TENT4B: variants seen among roughly 807,000 people sequenced by gnomAD.
The protein encoded by TENT4B is PAP associated domain containing 5.
A neutral mutation model predicts 75.0 loss-of-function variants in TENT4B; 10 were observed. That is an observed-to-expected ratio of 0.13 (90% CI 0.08 to 0.23). The LOEUF (loss-of-function observed/expected upper bound fraction) is 0.23, where lower values mean the gene tolerates loss of function less well. Among genes scored for constraint, TENT4B ranks in the 10% least tolerant of loss-of-function variants. TENT4B has a pLI of 1.00. For synonymous variants in TENT4B, 350 were observed against 357.7 expected (o/e 0.98, Z 0.24); for missense variants, 579 against 893.8 (o/e 0.65, Z 4.49).
intron 1 of TENT4B, among the ~76,000 whole-genome samples, chr16:50,176,601 G>C (rs2038315780): frequency 1.4e-5 from 2 of 140,348 alleles, no homozygotes; most frequent in Admixed American, 1.6e-4. Flanking sequence ...CTGCCTCCCG[G>C]GTTCAAGTAA....
Position 50,232,641 on chromosome 16 carries a change from G to T in TENT4B, c.*3313G>T. The stretch of plus-strand genomic sequence containing the variant: ...AAAAGAGTAATGACCACCGTGACGT[G>T]CAGGATTCTCTTGCTGTGACATGTT... On this transcript the variant is annotated 3_prime_UTR_variant, in exon 12 of 12. Coordinates refer to ENST00000561678, the MANE Select transcript of TENT4B (RefSeq NM_001365324.3). The T allele has an allele frequency of 2.0e-6, 2 of 985,282 alleles. No homozygotes were observed. Among genetic ancestry groups the T allele is most frequent in the Non-Finnish European group, 2.4e-6 (2 of 829,912 alleles). 61.0% of individuals were successfully genotyped at this position (985,282 alleles called of 1,614,324 possible). A position where few individuals can be genotyped will look rare whatever the true frequency, so the allele number is the denominator to read the frequency against.
At chr16:50,202,208 G>A (rs2030697676) in intron 1 of TENT4B, among the ~76,000 whole-genome samples, 1 of 152,148 alleles carries the variant, frequency 6.6e-6, no homozygotes, top group Non-Finnish European at 1.5e-5. Flanking sequence ...ATATGTAGGA[G>A]TCCTTGAATG....
chr16:50,201,696 A>G (rs1567501073), intron 1 of TENT4B, among the ~76,000 whole-genome samples: 1 of 151,958 alleles, frequency 6.6e-6, no homozygotes, highest in African/African-American at 2.4e-5. Context: ...TACAAAAATT[A>G]GCTGGATGTG....
At position 50,153,998 on chromosome 16, in the gene TENT4B, G is replaced by T; in HGVS notation, c.377G>T (p.Gly126Val). ...HQPGAWARRA[G>V]SSASSPPSAS... ...CCCGGGGCCTGGGCCCGCCGGGCGG[G>T]CTCCTCGGCGTCCTCGCCTCCCTCG... The change falls in exon 1 of 12, where the codon GGC becomes GTC. Residue 126 changes from glycine (G) to valine (V), a missense_variant. Around this residue, in one of 7 missense-constraint regions of TENT4B, gnomAD observed 253 missense variants for 270.1 expected, o/e 0.94. Coordinates refer to ENST00000561678, the MANE Select transcript of TENT4B (RefSeq NM_001365324.3). The T allele has an allele frequency of 6.5e-7, 1 of 1,534,114 alleles. No homozygotes were observed. Among genetic ancestry groups the T allele is most frequent in the Non-Finnish European group, 8.7e-7 (1 of 1,146,116 alleles).
intron 1 of TENT4B, among the ~76,000 whole-genome samples, chr16:50,180,169 T>C (rs2038385950): frequency 6.6e-6 from 1 of 151,930 alleles, no homozygotes; most frequent in South Asian, 2.1e-4. Flanking sequence ...AATGGTGCGA[T>C]CTCAGCTTAC....
intron 1 of TENT4B, among the ~76,000 whole-genome samples, chr16:50,172,980 G>C (rs112755907): frequency 1.3e-5 from 2 of 151,772 alleles, no homozygotes; most frequent in African/African-American, 4.8e-5. Flanking sequence ...TCTCGCTCTC[G>C]CCCAGGCTGG....
chr16:50,180,838 C>T (rs2038401317), intron 1 of TENT4B, among the ~76,000 whole-genome samples: 1 of 152,094 alleles, frequency 6.6e-6, no homozygotes, highest in African/African-American at 2.4e-5. Context: ...GTCTAAGGGA[C>T]CCCATTGCTG....
intron 1 of TENT4B, among the ~76,000 whole-genome samples, chr16:50,190,265 AT>A (rs970113306): frequency 6.6e-6 from 1 of 151,726 alleles, no homozygotes; most frequent in Admixed American, 6.6e-5. Context: ...GAGCTGTTGG[AT>A]TTTTTTTAAG....
At chr16:50,179,632 A>G (rs1413590348) in intron 1 of TENT4B, among the ~76,000 whole-genome samples, 3 of 152,228 alleles carry the variant, frequency 2.0e-5, no homozygotes, top group Non-Finnish European at 4.4e-5. Flanking sequence ...CAACATGGTT[A>G]GAAATCATCA....
intron 10 of TENT4B, among the ~76,000 whole-genome samples, chr16:50,226,009 C>CT (rs1243609171): frequency 1.4e-5 from 2 of 144,334 alleles, no homozygotes; most frequent in African/African-American, 2.6e-5. Flanking sequence ...CTTTTCTTTT[C>CT]TTTTTTTTGA....
intron 1 of TENT4B, among the ~76,000 whole-genome samples, chr16:50,179,311 G>T (rs967878025): frequency 2.6e-5 from 4 of 152,100 alleles, no homozygotes; most frequent in Non-Finnish European, 5.9e-5. Flanking sequence ...GCAGTGAGCC[G>T]AGATCTTGCC....
intron 1 of TENT4B, among the ~76,000 whole-genome samples, chr16:50,180,963 G>A (rs2038403977): frequency 6.6e-6 from 1 of 152,194 alleles, no homozygotes; most frequent in Non-Finnish European, 1.5e-5. Flanking sequence ...CTTCCTCACT[G>A]ATTTTTCTGT....
intron 1 of TENT4B, among the ~76,000 whole-genome samples, chr16:50,155,275 GTGTGTGTGTGTGT>G (rs2037874318): frequency 6.8e-6 from 1 of 147,758 alleles, no homozygotes; most frequent in African/African-American, 2.5e-5. Context: ...TCTCGTGGGT[GTGTGTGTGTGTGT>G]GTGTGTGTGT....
At position 50,154,072 on chromosome 16, in the gene TENT4B, G is replaced by T; in HGVS notation, c.451G>T (p.Ala151Ser). The T allele has an allele frequency of 1.3e-6, 2 of 1,532,250 alleles. No individual in the cohort carries two copies. Among genetic ancestry groups the T allele is most frequent in the Non-Finnish European group, 1.7e-6 (2 of 1,145,316 alleles). 94.9% of individuals were successfully genotyped at this position (1,532,250 alleles called of 1,614,324 possible). A position where few individuals can be genotyped will look rare whatever the true frequency, so the allele number is the denominator to read the frequency against. The change falls in exon 1 of 12, where the codon GCC becomes TCC. Residue 151 changes from alanine (A) to serine (S), a missense_variant. Ala to Ser is a moderately conservative substitution (Grantham distance 99). Coordinates refer to ENST00000561678, the MANE Select transcript of TENT4B (RefSeq NM_001365324.3). The part of the protein sequence containing the change: ...PSAAVPAADP[A>S]DSASGSSNKR... ...GGCCGCCGTCCCCGCCGCCGATCCA[G>T]CCGATTCGGCCTCGGGCAGCAGCAA...
At position 50,234,401 on chromosome 16, in the gene TENT4B, A is replaced by G. The variant is rs1312503017; in HGVS notation, c.*5073A>G. 5.1e-6 allele frequency: 5 copies of G among 985,364 alleles called. No individual in the cohort carries two copies. Among genetic ancestry groups the G allele is most frequent in the Non-Finnish European group, 6.0e-6 (5 of 829,954 alleles). The allele number at this position is 985,364 out of a possible 1,614,324, so 61.0% of individuals were successfully genotyped here. On this transcript the variant is annotated 3_prime_UTR_variant, in exon 12 of 12. Transcript: ENST00000561678. ...GTACTTGCCTCTTAGAGGTTAGGCC[A>G]TGCCTTTCAAAGAGAGTGAAATGAT...
intron 1 of TENT4B, among the ~76,000 whole-genome samples, chr16:50,163,781 C>T (rs2038045571): frequency 6.6e-6 from 1 of 151,748 alleles, no homozygotes; most frequent in South Asian, 2.1e-4. Flanking sequence ...TTATGTTTTT[C>T]TTTTATCAAT....
At chr16:50,170,203 C>T (rs1303202984) in intron 1 of TENT4B, among the ~76,000 whole-genome samples, 5 of 151,406 alleles carry the variant, frequency 3.3e-5, no homozygotes, top group Non-Finnish European at 1.5e-5. Context: ...GTATTTTTAG[C>T]AGAGATGGGG....
chr16:50,214,959 A>AGTG (rs538773199), intron 3 of TENT4B, among the ~76,000 whole-genome samples: 55 of 152,040 alleles, frequency 3.6e-4, no homozygotes, highest in African/African-American at 1.3e-3. Flanking sequence ...TCTTACACTC[A>AGTG]CCCTCGCTTT....
rs546762859 is a variant in TENT4B at position 50,234,275 on chromosome 16, C to A, written c.*4947C>A. 132 of 985,344 alleles carry A rather than the reference C, an allele frequency of 1.3e-4. No homozygotes were observed. The highest frequency in any genetic ancestry group is 1.9e-4 in the African/African-American group (11 of 57,298). The allele number at this position is 985,344 out of a possible 1,614,324, so 61.0% of individuals were successfully genotyped here. ...TTGAGACCTTCATCTCTTAAAAAAA[C>A]AAACAAAAACCTGAATGGTGAGGTG... On this transcript the variant is annotated 3_prime_UTR_variant, in exon 12 of 12. Coordinates refer to ENST00000561678, the MANE Select transcript of TENT4B (RefSeq NM_001365324.3).
Sources: gnomAD v4.1 joint callset for allele counts (sites outside exome capture counted in the v4.1 genomes callset) on GRCh38, gnomAD v4.1.1 for gene constraint, gnomAD v4.1.1 regional missense constraint, MANE v1.5 for transcripts, NCBI Gene and HGNC (gene_info 2026-07-23, HGNC 2026-07-21) for gene names.